The following SLC9A2 variants were observed in gnomAD, a reference collection of about 807,000 sequenced individuals.
The protein encoded by SLC9A2 is solute carrier family 9 member A2, also known as sodium/hydrogen exchanger 2.
Under a neutral mutation model 71.7 loss-of-function variants are expected in SLC9A2, and 42 were observed. The ratio of observed to expected loss-of-function variants is 0.59; its 90% CI spans 0.46 to 0.76. The LOEUF (loss-of-function observed/expected upper bound fraction) is 0.76. Ranked by LOEUF, SLC9A2 falls within the 30% of genes least tolerant of loss-of-function variation. The pLI is 0.00. For missense variants in SLC9A2, 829 were observed against 1,017.4 expected (o/e 0.81, Z 2.52); for synonymous variants, 396 against 392.5 (o/e 1.01, Z -0.10).
At chr2:102,706,736 G>C (rs1308915528) in intron 11 of SLC9A2, among the ~76,000 whole-genome samples, 1 of 151,998 alleles carries the variant, frequency 6.6e-6, no homozygotes, top group African/African-American at 2.4e-5. Flanking sequence ...GGGGCCCAAG[G>C]GCAGGTAAAC....
intron 5 of SLC9A2, among the ~76,000 whole-genome samples, chr2:102,684,660 G>A (rs556453401): frequency 6.6e-6 from 1 of 152,318 alleles, no homozygotes; most frequent in Admixed American, 6.5e-5. Flanking sequence ...AATGCTAGTT[G>A]TGCATATGAC....
At chr2:102,686,480 G>A (rs565537260) in intron 5 of SLC9A2, 1 of 152,254 alleles carries the variant, frequency 6.6e-6, no homozygotes, top group East Asian at 1.9e-4. Flanking sequence ...TGAGTTCTCT[G>A]GAATCCTGAA....
At position 102,701,088 on chromosome 2, in the gene SLC9A2, T is replaced by C. The variant is rs200485887; in HGVS notation, c.1605T>C (p.Asp535=). 3 of 1,603,018 alleles carry C rather than the reference T, an allele frequency of 1.9e-6. No homozygotes were observed. Among genetic ancestry groups the C allele is most frequent in the Non-Finnish European group, 2.6e-6 (3 of 1,175,586 alleles). The part of the protein sequence containing the change: ...FWRDKFKKFD[D]KYLRKLLIRE... ...TTTACAGGTTTAAGAAGTTTGATGATAAATATCTGCGGAAGCTTTTGATTC... is the reference window on the plus strand; with the variant it reads ...TTTACAGGTTTAAGAAGTTTGATGACAAATATCTGCGGAAGCTTTTGATTC... Residue 535 remains aspartate (D), a synonymous_variant, in exon 8 of 12, where the codon GAT becomes GAC. Transcript: ENST00000233969.
At chr2:102,704,095 T>C (rs1677926505) in intron 9 of SLC9A2, among the ~76,000 whole-genome samples, 1 of 152,218 alleles carries the variant, frequency 6.6e-6, no homozygotes, top group Non-Finnish European at 1.5e-5. Context: ...CTTGATGAAA[T>C]CAATCATTGT....
chr2:102,686,639 C>T (rs1677552065), intron 5 of SLC9A2: 1 of 152,218 alleles, frequency 6.6e-6, no homozygotes, highest in African/African-American at 2.4e-5. Context: ...CAGATGCAGC[C>T]CTCTTTATTT....
At chr2:102,633,370 T>C (rs73947622) in intron 1 of SLC9A2, among the ~76,000 whole-genome samples, 5,621 of 152,154 alleles carry the variant, frequency 0.037, 352 homozygotes, top group African/African-American at 0.13. Flanking sequence ...TATTAAAATA[T>C]CACACTTCCG....
At chr2:102,665,801 A>AAT (rs1677126081) in intron 3 of SLC9A2, among the ~76,000 whole-genome samples, 1 of 144,674 alleles carries the variant, frequency 6.9e-6, no homozygotes, top group African/African-American at 2.6e-5. Flanking sequence ...AAAAAAAAAA[A>AAT]GATTTTTCTT....
At chr2:102,633,187 A>C (rs967033768) in intron 1 of SLC9A2, among the ~76,000 whole-genome samples, 69 of 152,168 alleles carry the variant, frequency 4.5e-4, no homozygotes, top group African/African-American at 1.6e-3. Context: ...GTAATTCTGG[A>C]AGGTAGGCAC....
intron 5 of SLC9A2, among the ~76,000 whole-genome samples, chr2:102,691,111 T>C (rs938643067): frequency 2.6e-5 from 4 of 152,182 alleles, no homozygotes; most frequent in Non-Finnish European, 2.9e-5. Context: ...TGGAACAAGA[T>C]GCAAAACCAA....
Position 102,708,423 on chromosome 2 carries a change from A to G in SLC9A2, c.2373A>G (p.Pro791=), listed in dbSNP as rs1296185408. Residue 791 remains proline, a synonymous_variant, in exon 12 of 12, where the codon CCA becomes CCG. Transcript: ENST00000233969. ...AAGGCATCCCGCCCAAGCCGCCACC[A>G]CGGCTGGTCTGGAGGGCATCGGAAC... ...LTEGIPPKPP[P]RLVWRASEPG... 6 of 1,614,052 alleles carry G rather than the reference A, an allele frequency of 3.7e-6. No homozygotes were observed. The highest frequency in any genetic ancestry group is 5.1e-6 in the Non-Finnish European group (6 of 1,180,046).
At position 102,708,292 on chromosome 2, in the gene SLC9A2, C is replaced by G. The variant is rs765324014; in HGVS notation, c.2242C>G (p.Pro748Ala). The G allele has an allele frequency of 1.5e-5, 24 of 1,614,078 alleles. No homozygotes were observed. Among genetic ancestry groups the G allele is most frequent in the African/African-American group, 2.7e-5 (2 of 74,922 alleles). The change falls in exon 12 of 12, where the codon CCA (proline) becomes GCA (alanine). Residue 748 changes from proline to alanine, a missense_variant. Transcript: ENST00000233969. ...TGGCCGAGATATGCCCAGCACCCCC[C>G]CAACACCCCACAGCAGAGAAAAGGG... ...DSGRDMPSTP[P>A]TPHSREKGTQ...
intron 1 of SLC9A2, among the ~76,000 whole-genome samples, chr2:102,635,460 C>T (rs1387005824): frequency 6.6e-6 from 1 of 152,238 alleles, no homozygotes; most frequent in African/African-American, 2.4e-5. Context: ...CTGTGTGCAA[C>T]AGCCCTGGCC....
intron 1 of SLC9A2, among the ~76,000 whole-genome samples, chr2:102,650,485 G>C (rs77888662): frequency 1.3e-5 from 2 of 152,034 alleles, no homozygotes; most frequent in African/African-American, 4.8e-5. Flanking sequence ...GGAAATTAAA[G>C]TAAAATAAAA....
intron 5 of SLC9A2, among the ~76,000 whole-genome samples, chr2:102,688,946 C>G (rs1677608301): frequency 6.6e-6 from 1 of 152,160 alleles, no homozygotes; most frequent in South Asian, 2.1e-4. Context: ...AACCAAAATT[C>G]AAGAGATAGC....
At chr2:102,673,992 T>C (rs6741115) in intron 3 of SLC9A2, among the ~76,000 whole-genome samples, 5,491 of 152,228 alleles carry the variant, frequency 0.036, 158 homozygotes, top group East Asian at 0.076. Flanking sequence ...TTTTGCCATG[T>C]TGGTCAGGCT....
At chr2:102,696,077 CAG>C (rs1439690018) in intron 7 of SLC9A2, among the ~76,000 whole-genome samples, 3 of 151,852 alleles carry the variant, frequency 2.0e-5, no homozygotes, top group Non-Finnish European at 4.4e-5. Context: ...GAGCTAGGAG[CAG>C]TGGGGTACAG....
Position 102,619,832 on chromosome 2 carries a change from G to C in SLC9A2, c.-17G>C. 2.0e-6 allele frequency: 3 copies of C among 1,476,684 alleles called. No individual in the cohort carries two copies. Among genetic ancestry groups the C allele is most frequent in the Non-Finnish European group, 2.7e-6 (3 of 1,115,604 alleles). The allele number at this position is 1,476,684 out of a possible 1,614,324, so 91.5% of individuals were successfully genotyped here. A position where few individuals can be genotyped will look rare whatever the true frequency, so the allele number is the denominator to read the frequency against. On this transcript the variant is annotated 5_prime_UTR_variant, in exon 1 of 12. Transcript: ENST00000233969. The surrounding 1 kb of genome is among the most constrained non-coding windows in gnomAD (Gnocchi z 4.3). ...AGGGCCAACCGCCGGTCCCCTTGGCGGCAACCGGCGGCACCCATGGAACCA... is the reference window on the plus strand; with the variant it reads ...AGGGCCAACCGCCGGTCCCCTTGGCCGCAACCGGCGGCACCCATGGAACCA...
chr2:102,641,951 G>A (rs926242989), intron 1 of SLC9A2, among the ~76,000 whole-genome samples: 1 of 151,838 alleles, frequency 6.6e-6, no homozygotes, highest in Non-Finnish European at 1.5e-5. Context: ...TAATGTAAAC[G>A]ATGAGTTGGT....
chr2:102,641,664 TG>T (rs1676584260), intron 1 of SLC9A2, among the ~76,000 whole-genome samples: 1 of 152,114 alleles, frequency 6.6e-6, no homozygotes, highest in Non-Finnish European at 1.5e-5. Context: ...TGTAATCACC[TG>T]CTCGACATCC....
Sources: allele counts gnomAD v4.1 joint callset (sites outside exome capture counted in the v4.1 genomes callset), GRCh38; gene constraint gnomAD v4.1.1; non-coding constraint Gnocchi (gnomAD v3.1); transcripts MANE v1.5; gene names NCBI Gene and HGNC (gene_info 2026-07-23, HGNC 2026-07-21).